SETDB1: variants seen among roughly 807,000 people sequenced by gnomAD.
The protein encoded by SETDB1 is histone-lysine N-methyltransferase SETDB1.
In SETDB1, 31 loss-of-function variants were observed where a neutral mutation model predicts 137.4. The observed-to-expected ratio is 0.23, with a 90% confidence interval of 0.17 to 0.30. The LOEUF (loss-of-function observed/expected upper bound fraction) is 0.30. SETDB1 is among the 10% of genes least tolerant of loss of function. The pLI is 1.00. For synonymous variants in SETDB1, 548 were observed against 579.9 expected (o/e 0.95, Z 0.79); for missense variants, 1,113 against 1,631.5 (o/e 0.68, Z 5.47).
At chr1:150,951,558 C>A (rs191274085) in intron 14 of SETDB1, 77 bp downstream of exon 14, 4 of 749,516 alleles carry the variant, frequency 5.3e-6, no homozygotes, top group East Asian at 2.6e-5. Context: ...TTATAGAAAT[C>A]ATCAGAAATC....
intron 2 of SETDB1, among the ~76,000 whole-genome samples, chr1:150,928,680 T>C (rs999627644): frequency 6.6e-6 from 1 of 152,204 alleles, no homozygotes; most frequent in African/African-American, 2.4e-5. Flanking sequence ...TTATTACATA[T>C]GTATACATGT....
intron 17 of SETDB1, 67 bp from the exon 18 acceptor site, chr1:150,962,520 A>T (rs1670853794): frequency 1.3e-6 from 2 of 1,539,356 alleles, no homozygotes; most frequent in Non-Finnish European, 1.8e-6. Context: ...GCCTTCTCTC[A>T]AACCTAGGCT....
At chr1:150,939,327 TTTA>T (rs1165942130) in intron 3 of SETDB1, among the ~76,000 whole-genome samples, 4 of 151,176 alleles carry the variant, frequency 2.6e-5, no homozygotes, top group East Asian at 3.9e-4. Flanking sequence ...ATTTTTATTT[TTTA>T]TTATTATTGT....
At chr1:150,933,290 G>A (rs1381056937) in intron 3 of SETDB1, among the ~76,000 whole-genome samples, 15 of 151,394 alleles carry the variant, frequency 9.9e-5, no homozygotes, top group Admixed American at 9.9e-4. Context: ...GAACTCCTGA[G>A]CTCAGGCAAT....
chr1:150,943,048 G>A lies in SETDB1; in HGVS notation c.870G>A (p.Lys290=), dbSNP rs1396460699. 1.2e-6 allele frequency: 2 copies of A among 1,613,066 alleles called. No homozygotes were observed. Among genetic ancestry groups the A allele is most frequent in the East Asian group, 2.2e-5 (1 of 44,878 alleles). ...CTGAGACACCAAACGTCAAAAACAA[G>A]CTCAGGTACCTGGACAGAGGACTGT... ...IVAETPNVKN[K]LRFLIFFDDG... Residue 290 remains lysine (K), a synonymous_variant, in exon 7 of 22, where the codon AAG becomes AAA. Transcript: ENST00000692827.
At chr1:150,963,922 C>T in intron 20 of SETDB1, 73 bp from the exon 21 acceptor site, 1 of 1,442,690 alleles carries the variant, frequency 6.9e-7, no homozygotes, top group Non-Finnish European at 9.8e-7. Flanking sequence ...ATTTTTCTTC[C>T]AACTCTCACT....
intron 19 of SETDB1, 153 bp downstream of exon 19, chr1:150,963,292 A>G: frequency 2.7e-6 from 2 of 744,832 alleles, no homozygotes; most frequent in South Asian, 1.9e-5. Context: ...AAGCTAAACT[A>G]TTGTTTGACA....
At chr1:150,953,924 A>T (rs938245902) in intron 14 of SETDB1, among the ~76,000 whole-genome samples, 23 of 150,986 alleles carry the variant, frequency 1.5e-4, no homozygotes, top group African/African-American at 5.4e-4. Flanking sequence ...GCGTGATCTC[A>T]GCTCACTGCA....
Position 150,960,892 on chromosome 1 carries a change from TC to T in SETDB1, c.2835del (p.Lys946ArgfsTer21). The T allele has an allele frequency of 6.2e-7, 1 of 1,612,158 alleles. No homozygotes were observed. Among genetic ancestry groups the T allele is most frequent in the Non-Finnish European group, 8.5e-7 (1 of 1,178,960 alleles). On this transcript the variant is annotated frameshift_variant, in exon 16 of 22. Coordinates refer to ENST00000692827, the MANE Select transcript of SETDB1 (RefSeq NM_001366418.1). LOFTEE classifies it high-confidence loss of function. ...AGAGAACGGACTCTCTGAGACAACTTCCAAGGACTCCCACCCCCCAGATCTT... is the reference window on the plus strand; with the variant it reads ...AGAGAACGGACTCTCTGAGACAACTTCAAGGACTCCCACCCCCCAGATCTT... Reference protein sequence around the residue: ...QKENGLSETTSKDSHPPDLGP... With the variant: ...QKENGLSETTXKDSHPPDLGP...
intron 3 of SETDB1, 38 bp downstream of exon 3, chr1:150,930,156 G>A (rs763222602): frequency 1.3e-5 from 20 of 1,556,114 alleles, no homozygotes; most frequent in Non-Finnish European, 1.8e-5. Context: ...TCTCAGGACT[G>A]AAGTTGAAAC....
rs1432455591 is a variant in SETDB1 at position 150,961,002 on chromosome 1, G to A, written c.2943G>A (p.Lys981=). 3.7e-6 allele frequency: 6 copies of A among 1,613,804 alleles called. No individual in the cohort carries two copies. The highest frequency in any genetic ancestry group is 5.1e-6 in the Non-Finnish European group (6 of 1,180,032). ...PPSSEETPKN[K]VASWLSCNSV... is the part of the protein sequence containing the mutation. ...CCTCCGAAGAGACACCCAAGAACAA[G>A]GTGGCCTCATGGTTGAGCTGCAATA... is the stretch of plus-strand genomic sequence containing the variant. The change falls in exon 16 of 22, where the codon AAG becomes AAA. Residue 981 remains lysine (K), a synonymous_variant. Coordinates refer to ENST00000692827, the MANE Select transcript of SETDB1 (RefSeq NM_001366418.1).
intron 5 of SETDB1, 66 bp downstream of exon 5, chr1:150,941,494 C>A: frequency 1.1e-6 from 1 of 930,916 alleles, no homozygotes; most frequent in Non-Finnish European, 1.7e-6. Context: ...TGTCTTAAGT[C>A]TTATGTCTGC....
chr1:150,939,059 T>A, intron 3 of SETDB1, among the ~76,000 whole-genome samples: 1 of 151,920 alleles, frequency 6.6e-6, no homozygotes. Flanking sequence ...TTGCCTCAGC[T>A]TCTCGTGAAG....
chr1:150,930,090 AGAT>A lies in SETDB1; in HGVS notation c.392_394del (p.Asp131del). 6.2e-7 allele frequency: 1 copy of A among 1,614,058 alleles called. No homozygotes were observed. The highest frequency in any genetic ancestry group is 8.5e-7 in the Non-Finnish European group (1 of 1,179,940). ...CAGAAATAATTGAGATTCCTGATGA[AGAT>A]GATGATGTCCTCAGTATTGATTCAG... is the stretch of plus-strand genomic sequence containing the variant. On this transcript the variant is annotated inframe_deletion, in exon 3 of 22. Transcript: ENST00000692827.
chr1:150,950,131 C>T (rs1009849679), intron 12 of SETDB1, among the ~76,000 whole-genome samples: 9 of 151,112 alleles, frequency 6.0e-5, no homozygotes, highest in African/African-American at 1.5e-4. Flanking sequence ...CTACTCAGGA[C>T]GCTGAGGCAG....
chr1:150,963,621 C>G lies in SETDB1; in HGVS notation c.3552C>G (p.Ala1184=), dbSNP rs144387928. 1 of 1,614,146 alleles carries G rather than the reference C, an allele frequency of 6.2e-7. No individual in the cohort carries two copies. The change falls in exon 20 of 22, where the codon GCC becomes GCG. Residue 1184 remains alanine (A), a synonymous_variant. Transcript: ENST00000692827. ...HGIAIKSTNM[A]SVDKGESAPV... ...TTGCAATTAAATCAACCAACATGGC[C>G]TCTGTGGACAAGGGGGAGAGCGCAC...
chr1:150,951,013 C>T lies in SETDB1; in HGVS notation c.2139C>T (p.Ile713=), dbSNP rs200670690. The part of the protein sequence containing the change: ...PPQVAYSKER[I]PGKGVFINTG... ...AGGTGGCCTACAGCAAGGAACGTAT[C>T]CCGGGCAAGGGTGTTTTCATTAACA... The change falls in exon 13 of 22, where the codon ATC becomes ATT. Residue 713 remains isoleucine, a synonymous_variant. Coordinates refer to ENST00000692827, the MANE Select transcript of SETDB1 (RefSeq NM_001366418.1). 5.0e-6 allele frequency: 8 copies of T among 1,614,154 alleles called. No individual in the cohort carries two copies. In the East Asian group the frequency reaches 1.8e-4, roughly 36 times the overall value.
rs780928251 is a variant in SETDB1, at chr1:150,950,702, C to T, written c.1828C>T (p.Arg610Trp). 4.3e-6 allele frequency: 7 copies of T among 1,614,070 alleles called. No individual in the cohort carries two copies. The highest frequency in any genetic ancestry group is 1.7e-5 in the Admixed American group (1 of 59,996). Residue 610 changes from arginine to tryptophan, a missense_variant, in exon 13 of 22, where the codon CGG becomes TGG. Arg to Trp is a moderately radical substitution (Grantham distance 101). Around this residue, in one of 11 missense-constraint regions of SETDB1, gnomAD observed 55 missense variants for 118.5 expected, o/e 0.46. Transcript: ENST00000692827. ...GCTGGTCCCGTTACTATATGACTTCCGGCGGATGACAGCCCGGCGTCGAGT... is the reference window on the plus strand; with the variant it reads ...GCTGGTCCCGTTACTATATGACTTCTGGCGGATGACAGCCCGGCGTCGAGT... ...PLLVPLLYDF[R>W]RMTARRRVNR...
intron 15 of SETDB1, 34 bp from the exon 16 acceptor site, chr1:150,960,529 A>G: frequency 1.3e-6 from 2 of 1,563,076 alleles, no homozygotes; most frequent in Non-Finnish European, 1.7e-6. Flanking sequence ...GGTCCCCATA[A>G]CCCTAGAAGG....
Sources: allele counts gnomAD v4.1 joint callset (sites outside exome capture counted in the v4.1 genomes callset), GRCh38; gene constraint gnomAD v4.1.1; regional missense constraint gnomAD v4.1.1; transcripts MANE v1.5; gene names NCBI Gene and HGNC (gene_info 2026-07-23, HGNC 2026-07-21).